The following TENT4B variants were observed in gnomAD, a reference collection of about 807,000 sequenced individuals.
The protein encoded by TENT4B is terminal nucleotidyltransferase 4B.
A neutral mutation model predicts 75.0 loss-of-function variants in TENT4B; 10 were observed. The ratio of observed to expected loss-of-function variants is 0.13; its 90% confidence interval spans 0.08 to 0.23. TENT4B has a LOEUF of 0.23. Among genes scored for constraint, TENT4B ranks in the 10% least tolerant of loss-of-function variants. The pLI is 1.00. For synonymous variants in TENT4B, 350 were observed against 357.7 expected (o/e 0.98, Z 0.24); for missense variants, 579 against 893.8 (o/e 0.65, Z 4.49).
intron 1 of TENT4B, among the ~76,000 whole-genome samples, chr16:50,194,518 ATTTC>A (rs376285017): frequency 3.7e-4 from 54 of 146,124 alleles, no homozygotes; most frequent in African/African-American, 1.1e-3. Flanking sequence ...CCTGGCCATT[ATTTC>A]TTTCTTTCTT....
At chr16:50,188,810 G>A (rs1263735447) in intron 1 of TENT4B, among the ~76,000 whole-genome samples, 1 of 152,190 alleles carries the variant, frequency 6.6e-6, no homozygotes, top group East Asian at 1.9e-4. Context: ...CTGTGATTGT[G>A]CCTGTGAATA....
intron 1 of TENT4B, among the ~76,000 whole-genome samples, chr16:50,191,026 T>C (rs2038628451): frequency 6.6e-6 from 1 of 152,100 alleles, no homozygotes; most frequent in African/African-American, 2.4e-5. Context: ...TCATCCATGT[T>C]GTAGCATATG....
intron 1 of TENT4B, among the ~76,000 whole-genome samples, chr16:50,202,839 T>G (rs1216253127): frequency 3.3e-5 from 5 of 152,100 alleles, no homozygotes; most frequent in Non-Finnish European, 7.4e-5. Context: ...TGGTTTTCAT[T>G]ATCTCTTTTC....
chr16:50,154,489 C>T (rs1421693113), intron 1 of TENT4B, among the ~76,000 whole-genome samples: 1 of 151,908 alleles, frequency 6.6e-6, no homozygotes, highest in African/African-American at 2.4e-5. Flanking sequence ...CTTAGTCGTC[C>T]ACACCTTCCT....
At chr16:50,174,677 T>A (rs1450071998) in intron 1 of TENT4B, among the ~76,000 whole-genome samples, 1 of 151,768 alleles carries the variant, frequency 6.6e-6, no homozygotes, top group Non-Finnish European at 1.5e-5. Flanking sequence ...TTATTCTTTC[T>A]ACCTGGCTTT....
In TENT4B at chr16:50,199,699, T is replaced by C. The variant is rs2150720589; in HGVS notation, c.639-11624T>C. On this transcript the variant is annotated intron_variant, in intron 1 of 11. Transcript: ENST00000561678. ...TCCTTCATGCCTTTTCCTGGATTGATAGCTCATTTCTTTTTAGTCCTGAAT... is the reference window on the plus strand; with the variant it reads ...TCCTTCATGCCTTTTCCTGGATTGACAGCTCATTTCTTTTTAGTCCTGAAT... Among the ~76,000 whole-genome samples, 3 of 152,362 alleles carry C rather than the reference T, an allele frequency of 2.0e-5. No homozygotes were observed. In the Middle Eastern group the frequency reaches 0.01, roughly 518 times the overall value.
intron 1 of TENT4B, among the ~76,000 whole-genome samples, chr16:50,203,755 G>C (rs2030791259): frequency 6.6e-6 from 1 of 152,150 alleles, no homozygotes; most frequent in Non-Finnish European, 1.5e-5. Context: ...TGGACATTGG[G>C]GTGGGTAGAT....
At chr16:50,226,590 G>A (rs539246034) in intron 10 of TENT4B, among the ~76,000 whole-genome samples, 5 of 151,870 alleles carry the variant, frequency 3.3e-5, no homozygotes, top group South Asian at 4.2e-4. Context: ...CACCACACCC[G>A]GCTAATTTTT....
chr16:50,173,337 G>A (rs1487298353), intron 1 of TENT4B, among the ~76,000 whole-genome samples: 1 of 152,138 alleles, frequency 6.6e-6, no homozygotes, highest in Admixed American at 6.5e-5. Context: ...TTGCTCCTAA[G>A]TTTTGGCAAT....
In TENT4B at chr16:50,155,680, C is replaced by G. The variant is rs796251331; in HGVS notation, c.638+1421C>G. Among the ~76,000 whole-genome samples, 4 of 152,286 alleles carry G rather than the reference C, an allele frequency of 2.6e-5. No individual in the cohort carries two copies. The South Asian group carries it at 8.3e-4, about 32-fold the overall frequency. Reference sequence around the variant, plus strand: ...GGGAACCCTTTTAGGGTTGAGTCCTCTGTTGCTAAGCTTCAAGGGTGCTCT... The same window carrying G: ...GGGAACCCTTTTAGGGTTGAGTCCTGTGTTGCTAAGCTTCAAGGGTGCTCT... On this transcript the variant is annotated intron_variant, in intron 1 of 11. Coordinates refer to ENST00000561678, the MANE Select transcript of TENT4B (RefSeq NM_001365324.3).
chr16:50,221,128 A>T (rs992573645), intron 5 of TENT4B, among the ~76,000 whole-genome samples: 1 of 152,112 alleles, frequency 6.6e-6, no homozygotes, highest in African/African-American at 2.4e-5. Context: ...CTCTACAAAA[A>T]TACAAAAATT....
chr16:50,165,874 G>A (rs1014756996), intron 1 of TENT4B, among the ~76,000 whole-genome samples: 2 of 152,084 alleles, frequency 1.3e-5, no homozygotes, highest in East Asian at 1.9e-4. Context: ...GAATATTACT[G>A]CTGTAGACGT....
At chr16:50,214,371 TG>T (rs1350382836) in intron 3 of TENT4B, 104 bp downstream of exon 3, 1 of 892,356 alleles carries the variant, frequency 1.1e-6, no homozygotes, top group South Asian at 1.6e-5. Flanking sequence ...TAAAACAAAA[TG>T]GGGCTGGGCA....
intron 2 of TENT4B, among the ~76,000 whole-genome samples, chr16:50,211,684 C>G (rs1353907298): frequency 2.6e-5 from 4 of 151,962 alleles, no homozygotes; most frequent in African/African-American, 9.7e-5. Flanking sequence ...CTAATAGCAA[C>G]TACTAAAGGC....
intron 1 of TENT4B, among the ~76,000 whole-genome samples, chr16:50,198,253 C>CA (rs1163027897): frequency 1.3e-5 from 2 of 151,194 alleles, no homozygotes; most frequent in Admixed American, 6.6e-5. Context: ...CCCGTCTCTA[C>CA]AAAAAATACA....
intron 1 of TENT4B, among the ~76,000 whole-genome samples, chr16:50,209,762 G>GA (rs2031181463): frequency 6.6e-6 from 1 of 152,196 alleles, no homozygotes; most frequent in Non-Finnish European, 1.5e-5. Flanking sequence ...CCTGAGTCTA[G>GA]AACTCAAGGT....
rs1232068248 is a variant in TENT4B, at chr16:50,163,043, A to AGCTTTGTGACCTGAGAATTGGG, written c.638+8785_638+8806dup. Among the ~76,000 whole-genome samples the AGCTTTGTGACCTGAGAATTGGG allele has an allele frequency of 2.2e-4, 34 of 152,328 alleles. No homozygotes were observed. In the East Asian group the frequency reaches 6.2e-3, roughly 28 times the overall value. ...CTAGAATAAATTGTTTTATCTAAACAGCTTTGTGACCTGAGAATTGGGACT... is the reference window on the plus strand; with the variant it reads ...CTAGAATAAATTGTTTTATCTAAACAGCTTTGTGACCTGAGAATTGGGGCTTTGTGACCTGAGAATTGGGACT... On this transcript the variant is annotated intron_variant, in intron 1 of 11. Transcript: ENST00000561678.
At chr16:50,160,999 G>A (rs1216245354) in intron 1 of TENT4B, among the ~76,000 whole-genome samples, 1 of 152,120 alleles carries the variant, frequency 6.6e-6, no homozygotes, top group East Asian at 1.9e-4. Flanking sequence ...ACCAGCACCT[G>A]GTATTTGCTG....
rs976706326 is a variant in TENT4B, at chr16:50,232,376, T to G, written c.*3048T>G. 33 of 985,336 alleles carry G rather than the reference T, an allele frequency of 3.3e-5. No individual in the cohort carries two copies. Among genetic ancestry groups the G allele is most frequent in the Non-Finnish European group, 4.0e-5 (33 of 829,942 alleles). 61.0% of individuals were successfully genotyped at this position (985,336 alleles called of 1,614,324 possible). ...GTTTTGAGTGTACTTTACCTTTACT[T>G]GCATTTTGAGCCTCATTAATATTTA... is the stretch of plus-strand genomic sequence containing the variant. On this transcript the variant is annotated 3_prime_UTR_variant, in exon 12 of 12. Transcript: ENST00000561678.
Sources: gnomAD v4.1 joint callset for allele counts (sites outside exome capture counted in the v4.1 genomes callset) on GRCh38, gnomAD v4.1.1 for gene constraint, MANE v1.5 for transcripts, NCBI Gene and HGNC (gene_info 2026-07-23, HGNC 2026-07-21) for gene names.